The following TP63 variants were observed in gnomAD, a reference collection of about 807,000 sequenced individuals.
TP63 encodes the protein tumor protein 63.
TP63 carries 17 observed loss-of-function variants against 82.8 expected under a neutral mutation model. The ratio of observed to expected loss-of-function variants is 0.21; its 90% CI spans 0.14 to 0.31. The LOEUF is 0.31. Among genes scored for constraint, TP63 ranks in the 10% least tolerant of loss-of-function variants. TP63 has a pLI of 1.00. For missense variants in TP63, 648 were observed against 895.3 expected (o/e 0.72, Z 3.52); for synonymous variants, 330 against 321.7 (o/e 1.03, Z -0.28).
chr3:189,644,115 C>T (rs781417833), intron 1 of TP63, among the ~76,000 whole-genome samples: 11 of 152,134 alleles, frequency 7.2e-5, no homozygotes, highest in East Asian at 1.9e-4. Context: ...CTTCAGGTAC[C>T]AATCCACACA....
chr3:189,835,354 CTT>C (rs1031417986), intron 4 of TP63, among the ~76,000 whole-genome samples: 2 of 152,172 alleles, frequency 1.3e-5, no homozygotes, highest in African/African-American at 4.8e-5. Flanking sequence ...AATTTCCTCT[CTT>C]TGGTTCTCTG....
chr3:189,885,360 T>C (rs1720334791), intron 10 of TP63, among the ~76,000 whole-genome samples: 1 of 152,206 alleles, frequency 6.6e-6, no homozygotes, highest in Admixed American at 6.5e-5. Flanking sequence ...GTCTCAAAGA[T>C]GGGGACCATG....
chr3:189,780,481 A>G (rs1724144688), intron 3 of TP63, among the ~76,000 whole-genome samples: 1 of 152,014 alleles, frequency 6.6e-6, no homozygotes, highest in African/African-American at 2.4e-5. Context: ...ACTTTGGAAA[A>G]CAGTTTCCTC....
intron 13 of TP63, among the ~76,000 whole-genome samples, chr3:189,892,476 A>G (rs1160945890): frequency 6.6e-6 from 1 of 152,230 alleles, no homozygotes; most frequent in Non-Finnish European, 1.5e-5. Flanking sequence ...AAAAGTATAA[A>G]GAATCCAAGA....
Position 189,838,604 on chromosome 3 carries a change from A to T in TP63, c.580-25628A>T, listed in dbSNP as rs539598991. ...GCACCCCCTACACCTACCCCCAGCC[A>T]ACACAGATGCTTATGTATTAGTGGC... On this transcript the variant is annotated intron_variant, in intron 4 of 13. Transcript: ENST00000264731. Among the ~76,000 whole-genome samples the T allele has an allele frequency of 2.0e-3, 311 of 152,216 alleles. 4 individuals carry two copies. The highest frequency in any genetic ancestry group is 7.2e-3 in the African/African-American group (299 of 41,542).
intron 1 of TP63, among the ~76,000 whole-genome samples, chr3:189,692,139 G>A (rs1716986122): frequency 6.6e-6 from 1 of 152,118 alleles, no homozygotes; most frequent in Non-Finnish European, 1.5e-5. Flanking sequence ...TGATGTGACT[G>A]AATATGTAAC....
At chr3:189,721,005 C>T (rs754268016) in intron 1 of TP63, among the ~76,000 whole-genome samples, 3 of 152,162 alleles carry the variant, frequency 2.0e-5, no homozygotes, top group African/African-American at 7.2e-5. Context: ...TCCATAAAGG[C>T]ATTTGCCTGT....
chr3:189,662,519 A>G (rs1274753890), intron 1 of TP63, among the ~76,000 whole-genome samples: 1 of 152,054 alleles, frequency 6.6e-6, no homozygotes, highest in Non-Finnish European at 1.5e-5. Context: ...CACACAGAAT[A>G]AAAGTTTATT....
chr3:189,743,780 CGGATG>C (rs1721171712), intron 3 of TP63, among the ~76,000 whole-genome samples: 1 of 152,096 alleles, frequency 6.6e-6, no homozygotes, highest in Non-Finnish European at 1.5e-5. Context: ...AAACAAGAAA[CGGATG>C]TGAGGGATCA....
At chr3:189,615,466 C>T in the TP63 span, among the ~76,000 whole-genome samples, 1 of 152,226 alleles carries the variant, frequency 6.6e-6, no homozygotes, top group Admixed American at 6.5e-5. Context: ...TAATGGCACG[C>T]ATCACATTAA....
intron 3 of TP63, among the ~76,000 whole-genome samples, chr3:189,771,845 T>C (rs1024192711): frequency 2.6e-5 from 4 of 152,202 alleles, no homozygotes; most frequent in Admixed American, 6.5e-5. Flanking sequence ...ATTCTTAAAA[T>C]ATGTTGAAAG....
At chr3:189,693,718 G>A (rs1015936002) in intron 1 of TP63, among the ~76,000 whole-genome samples, 1 of 152,112 alleles carries the variant, frequency 6.6e-6, no homozygotes, top group African/African-American at 2.4e-5. Context: ...AGAGGTAGAG[G>A]TAAATAAAAC....
chr3:189,657,676 G>T (rs747540216), intron 1 of TP63, among the ~76,000 whole-genome samples: 1 of 152,074 alleles, frequency 6.6e-6, no homozygotes, highest in Non-Finnish European at 1.5e-5. Flanking sequence ...GATAAGCAAT[G>T]AAAGAAAATG....
chr3:189,630,715 G>A (rs537287513), upstream of TP63, among the ~76,000 whole-genome samples: 27 of 152,038 alleles, frequency 1.8e-4, no homozygotes, highest in Non-Finnish European at 3.8e-4. Context: ...TTTGAGGTAG[G>A]ATATTTAACT....
rs543249730 is a variant in TP63, at chr3:189,891,867, C to T, written c.1746+985C>T. ...GACTGCGGGAAGAAGACAGTCTCTG[C>T]CTCTGCTGCTACTTCTATTGTTGGG... On this transcript the variant is annotated intron_variant, in intron 13 of 13. Transcript: ENST00000264731. Among the ~76,000 whole-genome samples, 12 of 152,234 alleles carry T rather than the reference C, an allele frequency of 7.9e-5. 1 individual carries two copies. In the East Asian group the frequency reaches 2.3e-3, roughly 29 times the overall value.
intron 4 of TP63, among the ~76,000 whole-genome samples, chr3:189,859,587 C>T (rs796928571): frequency 6.6e-6 from 1 of 152,090 alleles, no homozygotes; most frequent in Non-Finnish European, 1.5e-5. Context: ...ATGAAGTCCT[C>T]ATATATTGCA....
chr3:189,875,615 T>TATATATATATATACAC lies in TP63; in HGVS notation c.1349+2633_1349+2634insCACATATATATATATA, dbSNP rs1560289432. On this transcript the variant is annotated intron_variant, in intron 10 of 13. Coordinates refer to ENST00000264731, the MANE Select transcript of TP63 (RefSeq NM_003722.5). ...ATACATATATATATATATATATATATATATATATATATATATATATATAAA... is the reference window on the plus strand; with the variant it reads ...ATACATATATATATATATATATATATATATATATATATACACATATATATATATATATATATATAAA... Among the ~76,000 whole-genome samples, 97 of 110,384 alleles carry TATATATATATATACAC rather than the reference T, an allele frequency of 8.8e-4. 1 individual carries two copies. The highest frequency in any genetic ancestry group is 3.4e-3 in the African/African-American group (87 of 25,654). The allele number at this position is 110,384 out of a possible 152,430, so 72.4% of individuals were successfully genotyped here.
At chr3:189,846,280 A>G (rs1400233992) in intron 4 of TP63, among the ~76,000 whole-genome samples, 1 of 152,190 alleles carries the variant, frequency 6.6e-6, no homozygotes, top group Non-Finnish European at 1.5e-5. Context: ...TCCCAAAGCA[A>G]AACAAAATTT....
In TP63 at chr3:189,867,956, G is replaced by A; in HGVS notation, c.992+14G>A. 2 of 1,606,438 alleles carry A rather than the reference G, an allele frequency of 1.2e-6. No individual in the cohort carries two copies. The highest frequency in any genetic ancestry group is 1.7e-6 in the Non-Finnish European group (2 of 1,173,902). On this transcript the variant is annotated intron_variant, in intron 7 of 13. Coordinates refer to ENST00000264731, the MANE Select transcript of TP63 (RefSeq NM_003722.5). ...GGAAACCAGAGAGTAAGTGGCGTAT[G>A]TAAAATTGTCATTCTACACAAAAAA...
Sources: gnomAD v4.1 joint callset for allele counts (sites outside exome capture counted in the v4.1 genomes callset) on GRCh38, gnomAD v4.1.1 for gene constraint, MANE v1.5 for transcripts, NCBI Gene and HGNC (gene_info 2026-07-23, HGNC 2026-07-21) for gene names.